The following ZNF736 variants were observed in gnomAD, a reference collection of about 807,000 sequenced individuals.
ZNF736 encodes zinc finger protein 736.
ZNF736 carries 6 observed loss-of-function variants against 11.7 expected under a neutral mutation model. That is an observed-to-expected ratio of 0.51 (90% CI 0.28 to 1.01). ZNF736 has a LOEUF of 1.01. ZNF736 is among the 50% of genes least tolerant of loss of function. ZNF736 has a pLI of 0.09. For missense variants in ZNF736, 444 were observed against 496.0 expected, an observed-to-expected ratio of 0.90 and a Z score of 1.00; for synonymous variants, 139 against 164.7, an observed-to-expected ratio of 0.84 and a Z score of 1.19.
chr7:64,325,351 C>T (rs1010046877), intron 1 of ZNF736, among the ~76,000 whole-genome samples: 8 of 152,206 alleles, frequency 5.3e-5, no homozygotes, highest in Non-Finnish European at 1.5e-5. Context: ...TCCTGGATGA[C>T]TATTTCTAGC....
At chr7:64,334,798 AG>A (rs1301937602) in intron 1 of ZNF736, among the ~76,000 whole-genome samples, 1 of 152,250 alleles carries the variant, frequency 6.6e-6, no homozygotes, top group African/African-American at 2.4e-5. Flanking sequence ...ATATGCCCAA[AG>A]GATTTTAAAT....
At chr7:64,319,083 T>G (rs1344667679) in intron 1 of ZNF736, among the ~76,000 whole-genome samples, 1 of 151,972 alleles carries the variant, frequency 6.6e-6, no homozygotes, top group Non-Finnish European at 1.5e-5. Flanking sequence ...GGAGACAGTT[T>G]GAGAAGACTT....
intron 3 of ZNF736, among the ~76,000 whole-genome samples, chr7:64,347,726 A>G (rs1399277584): frequency 6.6e-6 from 1 of 152,206 alleles, no homozygotes; most frequent in African/African-American, 2.4e-5. Context: ...ATAAGCCAGA[A>G]GCATGGACAC....
At chr7:64,316,710 A>T (rs1406815680) in intron 1 of ZNF736, among the ~76,000 whole-genome samples, 1 of 152,168 alleles carries the variant, frequency 6.6e-6, no homozygotes, top group African/African-American at 2.4e-5. Flanking sequence ...CATTAATTGT[A>T]TAATGGATTT....
intron 1 of ZNF736, among the ~76,000 whole-genome samples, chr7:64,319,222 G>A (rs747059212): frequency 1.5e-3 from 228 of 150,852 alleles, no homozygotes; most frequent in Middle Eastern, 6.8e-3. Context: ...CCTTATATGG[G>A]AAAACCATAG....
At chr7:64,328,953 C>CTT (rs1424953724) in intron 1 of ZNF736, among the ~76,000 whole-genome samples, 1 of 52,910 alleles carries the variant, frequency 1.9e-5, no homozygotes, top group Non-Finnish European at 3.8e-5. Context: ...CCTCTTGAGG[C>CTT]TATTTTTTTT....
chr7:64,347,168 A>G (rs1355663886), intron 3 of ZNF736, among the ~76,000 whole-genome samples: 1 of 133,048 alleles, frequency 7.5e-6, no homozygotes, highest in Non-Finnish European at 1.6e-5. Flanking sequence ...AGCCTGTTCT[A>G]TGGATGTTTT....
chr7:64,319,343 AT>A (rs1788967007), intron 1 of ZNF736, among the ~76,000 whole-genome samples: 1 of 93,400 alleles, frequency 1.1e-5, no homozygotes, highest in Non-Finnish European at 2.1e-5. Context: ...GTATATATAT[AT>A]ATATATATAT....
intron 1 of ZNF736, among the ~76,000 whole-genome samples, chr7:64,334,531 T>TA (rs749910418): frequency 1.3e-5 from 2 of 151,702 alleles, no homozygotes; most frequent in Non-Finnish European, 2.9e-5. Context: ...CCAACAAACA[T>TA]AAAAAAAAGT....
chr7:64,321,605 A>T (rs146677322), intron 1 of ZNF736, among the ~76,000 whole-genome samples: 217 of 152,344 alleles, frequency 1.4e-3, no homozygotes, highest in African/African-American at 4.8e-3. Flanking sequence ...GTTGAAAAGA[A>T]CAGCTCAAGC....
rs1408764142 is a variant in ZNF736 at position 64,319,488 on chromosome 7, C to CTTTTTTTTTTTTTTTTTTTTTTTT, written c.3+5335_3+5336insTTTTTTTTTTTTTTTTTTTTTTTT. ...CCAGGTAAATAGAAAACATTTCTTC[C>CTTTTTTTTTTTTTTTTTTTTTTTT]CTTTTTTTTTTTTTTTTTTTTTTTT... On this transcript the variant is annotated intron_variant, in intron 1 of 3. Transcript: ENST00000423484. Among the ~76,000 whole-genome samples the CTTTTTTTTTTTTTTTTTTTTTTTT allele has an allele frequency of 2.0e-4, 15 of 75,248 alleles. 7 individuals carry two copies. Among genetic ancestry groups the CTTTTTTTTTTTTTTTTTTTTTTTT allele is most frequent in the Non-Finnish European group, 1.9e-4 (8 of 41,256 alleles). 49.4% of individuals were successfully genotyped at this position (75,248 alleles called of 152,430 possible). A position where few individuals can be genotyped will look rare whatever the true frequency, so the allele number is the denominator to read the frequency against.
intron 1 of ZNF736, among the ~76,000 whole-genome samples, chr7:64,318,026 A>G (rs1253449958): frequency 6.6e-6 from 1 of 151,956 alleles, no homozygotes; most frequent in African/African-American, 2.4e-5. Context: ...GCAGAATTTT[A>G]ATTTTTAATA....
At chr7:64,348,012 A>G (rs1789434399) in intron 3 of ZNF736, 78 bp from the exon 4 acceptor site, 1 of 1,173,212 alleles carries the variant, frequency 8.5e-7, no homozygotes, top group Non-Finnish European at 1.2e-6. Flanking sequence ...CGTTTTATTA[A>G]TTGCTTTGTA....
intron 1 of ZNF736, among the ~76,000 whole-genome samples, chr7:64,335,023 A>G (rs1789225265): frequency 6.6e-6 from 1 of 151,918 alleles, no homozygotes; most frequent in South Asian, 2.1e-4. Flanking sequence ...TTCTCAGCAA[A>G]CTAACAAACT....
Position 64,314,082 on chromosome 7 carries a change from T to G in ZNF736, c.-69T>G. On this transcript the variant is annotated 5_prime_UTR_variant, in exon 1 of 4. Transcript: ENST00000423484. ...TCCTCGGTGACTCTACTATAGCTTC[T>G]GTTATCCTGTGACCTGCAGGTACTG... 1 of 1,548,954 alleles carries G rather than the reference T, an allele frequency of 6.5e-7. No individual in the cohort carries two copies. The highest frequency in any genetic ancestry group is 1.2e-5 in the South Asian group (1 of 84,004).
intron 1 of ZNF736, among the ~76,000 whole-genome samples, chr7:64,330,568 C>T (rs1789151026): frequency 6.6e-6 from 1 of 152,082 alleles, no homozygotes; most frequent in Non-Finnish European, 1.5e-5. Context: ...CCCACTATGG[C>T]TGAGCTGCTA....
At chr7:64,333,005 A>G (rs1042590495) in intron 1 of ZNF736, among the ~76,000 whole-genome samples, 3 of 152,198 alleles carry the variant, frequency 2.0e-5, no homozygotes, top group African/African-American at 4.8e-5. Context: ...AGTTAACACA[A>G]TTATTACAGT....
At chr7:64,326,573 A>G (rs548057338) in intron 1 of ZNF736, among the ~76,000 whole-genome samples, 1 of 152,054 alleles carries the variant, frequency 6.6e-6, no homozygotes. Context: ...TATTTCTGCT[A>G]TAGTTTTTAT....
intron 3 of ZNF736, among the ~76,000 whole-genome samples, chr7:64,346,571 T>G (rs73368020): frequency 0.024 from 3,726 of 152,194 alleles, 160 homozygotes; most frequent in African/African-American, 0.086. Flanking sequence ...TGCAGAAGCA[T>G]GCATATAAAT....
Sources: gnomAD v4.1 joint callset for allele counts (sites outside exome capture counted in the v4.1 genomes callset) on GRCh38, gnomAD v4.1.1 for gene constraint, MANE v1.5 for transcripts, NCBI Gene and HGNC (gene_info 2026-07-23, HGNC 2026-07-21) for gene names.